Variants in TMC6 observed in about 807,000 individuals in gnomAD.
TMC6 encodes transmembrane channel like 6.
In TMC6, 71 loss-of-function variants were observed where a neutral mutation model predicts 95.4. That is an observed-to-expected ratio of 0.74 (90% CI 0.61 to 0.91). The LOEUF is 0.91. TMC6 is among the 40% of genes least tolerant of loss of function. The probability of loss-of-function intolerance (pLI) is 0.00; values close to 1 mark genes in which losing one functional copy is unlikely to be tolerated. For missense variants in TMC6, 1,074 were observed against 1,079.1 expected (o/e 1.00, Z 0.07); for synonymous variants, 514 against 483.1 (o/e 1.06, Z -0.84).
In TMC6 at chr17:78,122,972, C is replaced by G; in HGVS notation, c.1083-223G>C. On this transcript the variant is annotated intron_variant, in intron 9 of 19. Transcript: ENST00000590602. The surrounding 1 kb of genome is among the most constrained non-coding windows in gnomAD (Gnocchi z 4.9). ...AGCCACATCTGCCTAGAAGAGGGGGCAGGGCTGCATTCACCGCGGACTTGG... is the reference window on the plus strand; with the variant it reads ...AGCCACATCTGCCTAGAAGAGGGGGGAGGGCTGCATTCACCGCGGACTTGG... The G allele has an allele frequency of 1.5e-6, 1 of 648,330 alleles. No homozygotes were observed. Among genetic ancestry groups the G allele is most frequent in the South Asian group, 1.8e-5 (1 of 54,186 alleles). 40.2% of individuals were successfully genotyped at this position (648,330 alleles called of 1,614,324 possible). A position where few individuals can be genotyped will look rare whatever the true frequency, so the allele number is the denominator to read the frequency against.
In TMC6 at chr17:78,120,085, G is replaced by A. The variant is rs1308721436; in HGVS notation, c.1715+568C>T. The A allele has an allele frequency of 3.7e-5, 13 of 350,538 alleles. 1 individual carries two copies. The highest frequency in any genetic ancestry group is 8.9e-5 in the East Asian group (1 of 11,190). 21.7% of individuals were successfully genotyped at this position (350,538 alleles called of 1,614,324 possible). ...TGGAACATTTTTTAAATGTTCCTCC[G>A]CTGTCTGTTCCCTGCTGTGTGTTTT... On this transcript the variant is annotated intron_variant, in intron 13 of 19. Coordinates refer to ENST00000590602, the MANE Select transcript of TMC6 (RefSeq NM_001127198.5).
chr17:78,124,304 G>T, intron 8 of TMC6, 125 bp from the exon 9 acceptor site: 1 of 1,390,294 alleles, frequency 7.2e-7, no homozygotes. Flanking sequence ...ACAGGGAGGG[G>T]CCTTGGCCAC....
chr17:78,113,062 T>C lies in TMC6; in HGVS notation c.*86A>G, dbSNP rs2144832195. The C allele has an allele frequency of 2.7e-6, 4 of 1,478,828 alleles. No homozygotes were observed. Among genetic ancestry groups the C allele is most frequent in the Middle Eastern group, 3.5e-4 (2 of 5,706 alleles). The allele number at this position is 1,478,828 out of a possible 1,614,324, so 91.6% of individuals were successfully genotyped here. A position where few individuals can be genotyped will look rare whatever the true frequency, so the allele number is the denominator to read the frequency against. On this transcript the variant is annotated 3_prime_UTR_variant, in exon 20 of 20. Coordinates refer to ENST00000590602, the MANE Select transcript of TMC6 (RefSeq NM_001127198.5). ...TTTCGAGAGGCGAAACTGTCTTCCTTGTCCTGGTGTCCCAGCAGGGTCACT... is the reference window on the plus strand; with the variant it reads ...TTTCGAGAGGCGAAACTGTCTTCCTCGTCCTGGTGTCCCAGCAGGGTCACT...
rs1263065346 is a variant in TMC6 at position 78,113,534 on chromosome 17, C to A, written c.2354+14G>T. The A allele has an allele frequency of 6.2e-7, 1 of 1,613,856 alleles. No individual in the cohort carries two copies. The highest frequency in any genetic ancestry group is 1.3e-5 in the African/African-American group (1 of 75,022). On this transcript the variant is annotated intron_variant, in intron 19 of 19. Coordinates refer to ENST00000590602, the MANE Select transcript of TMC6 (RefSeq NM_001127198.5). ...CAGGCTCAGAGTGTCCCCAATCCCTCCACGGACCCTCACCTGCTCCTCTCC... is the reference window on the plus strand; with the variant it reads ...CAGGCTCAGAGTGTCCCCAATCCCTACACGGACCCTCACCTGCTCCTCTCC...
rs2074837327 is a variant in TMC6 at position 78,128,247 on chromosome 17, C to G, written c.-75+365G>C. On this transcript the variant is annotated intron_variant, in intron 1 of 19. Transcript: ENST00000590602. The surrounding 1 kb of genome is among the most constrained non-coding windows in gnomAD (Gnocchi z 4.0). The stretch of plus-strand genomic sequence containing the variant: ...CCCAGGGAGAACCGCAACCTGGCCC[C>G]AGAGCCCAGAGCGGCTGCAACTCTG... Among the ~76,000 whole-genome samples the G allele has an allele frequency of 6.6e-6, 1 of 152,130 alleles. No homozygotes were observed. Among genetic ancestry groups the G allele is most frequent in the South Asian group, 2.1e-4 (1 of 4,834 alleles).
At chr17:78,120,440 A>G (rs767637057) in intron 13 of TMC6, 9 of 730,022 alleles carry the variant, frequency 1.2e-5, no homozygotes, top group Admixed American at 4.1e-5. Flanking sequence ...GATTACAGGC[A>G]TGAGCCACCA....
upstream of TMC6, among the ~76,000 whole-genome samples, chr17:78,129,645 G>A (rs1429854578): frequency 2.0e-5 from 3 of 152,144 alleles, no homozygotes; most frequent in South Asian, 2.1e-4. This position sits in a 1 kb window ranked among gnomAD's most constrained non-coding sequence, Gnocchi z 4.3. Context: ...AAGCAAAAGC[G>A]AGGACCAGGC....
chr17:78,129,627 G>A (rs1568008220), upstream of TMC6, among the ~76,000 whole-genome samples: 4 of 152,134 alleles, frequency 2.6e-5, no homozygotes, highest in African/African-American at 9.7e-5. The surrounding 1 kb of genome is among the most constrained non-coding windows in gnomAD (Gnocchi z 4.3). Context: ...CTGCAGGGGA[G>A]AGCAGGCAAG....
chr17:78,112,806 C>T lies in TMC6; in HGVS notation c.*342G>A. 2 of 400,114 alleles carry T rather than the reference C, an allele frequency of 5.0e-6. No homozygotes were observed. Among genetic ancestry groups the T allele is most frequent in the Admixed American group, 4.3e-5 (1 of 23,236 alleles). 24.8% of individuals were successfully genotyped at this position (400,114 alleles called of 1,614,324 possible). On this transcript the variant is annotated 3_prime_UTR_variant, in exon 20 of 20. Transcript: ENST00000590602. The stretch of plus-strand genomic sequence containing the variant: ...TCTGGGGCTTGGCCAGCAGAGGGCG[C>T]CCCCACTCCAGCTGAGGTTCCCAGG...
chr17:78,126,084 C>T (rs1392318829), intron 4 of TMC6, 193 bp downstream of exon 4: 6 of 1,111,400 alleles, frequency 5.4e-6, no homozygotes, highest in Non-Finnish European at 7.6e-6. Flanking sequence ...TGGAGCCCAG[C>T]GAGGGCCACA....
intron 7 of TMC6, 32 bp from the exon 8 acceptor site, chr17:78,124,813 G>A: frequency 6.3e-7 from 1 of 1,576,716 alleles, no homozygotes; most frequent in Middle Eastern, 1.8e-4. Context: ...CCCTGAGGGT[G>A]AGGCCGGAGG....
rs1281470739 is a variant in TMC6, at chr17:78,117,452, C to G, written c.2198+16G>C. 1 of 1,610,386 alleles carries G rather than the reference C, an allele frequency of 6.2e-7. No individual in the cohort carries two copies. The highest frequency in any genetic ancestry group is 1.7e-5 in the Admixed American group (1 of 59,764). ...AGGGCCATCTCCCCAGGGCCGCCCC[C>G]ACCTGCGGGACTCACAGCAGCAGGG... is the stretch of plus-strand genomic sequence containing the variant. On this transcript the variant is annotated intron_variant, in intron 17 of 19. Coordinates refer to ENST00000590602, the MANE Select transcript of TMC6 (RefSeq NM_001127198.5).
At chr17:78,125,577 G>A in intron 5 of TMC6, 149 bp downstream of exon 5, 2 of 1,265,238 alleles carry the variant, frequency 1.6e-6, no homozygotes, top group Non-Finnish European at 2.2e-6. Context: ...CCTGCAGAGG[G>A]ACGGGGGGGC....
chr17:78,122,429 CAG>C lies in TMC6; in HGVS notation c.1227+174_1227+175del. ...GATGGGTGTGTGCCAGAGAAAAACT[CAG>C]GGCCTGCCCGTCACTGCAAGCAGAA... On this transcript the variant is annotated intron_variant, in intron 10 of 19. Coordinates refer to ENST00000590602, the MANE Select transcript of TMC6 (RefSeq NM_001127198.5). The surrounding 1 kb of genome is among the most constrained non-coding windows in gnomAD (Gnocchi z 4.9). 1.1e-6 allele frequency: 1 copy of C among 934,746 alleles called. No homozygotes were observed. The highest frequency in any genetic ancestry group is 1.6e-6 in the Non-Finnish European group (1 of 637,040). The allele number at this position is 934,746 out of a possible 1,614,324, so 57.9% of individuals were successfully genotyped here.
At position 78,122,412 on chromosome 17, in the gene TMC6, T is replaced by A; in HGVS notation, c.1227+193A>T. On this transcript the variant is annotated intron_variant, in intron 10 of 19. Transcript: ENST00000590602. This position sits in a 1 kb window ranked among gnomAD's most constrained non-coding sequence, Gnocchi z 4.9. Reference sequence around the variant, plus strand: ...AGAGGCAGCCCCTAACTGATGGGTGTGTGCCAGAGAAAAACTCAGGGCCTG... The same window carrying A: ...AGAGGCAGCCCCTAACTGATGGGTGAGTGCCAGAGAAAAACTCAGGGCCTG... The A allele has an allele frequency of 1.3e-6, 1 of 794,894 alleles. No homozygotes were observed. The highest frequency in any genetic ancestry group is 2.0e-6 in the Non-Finnish European group (1 of 512,628). The allele number at this position is 794,894 out of a possible 1,614,324, so 49.2% of individuals were successfully genotyped here.
upstream of TMC6, chr17:78,131,379 C>T: frequency 1.5e-6 from 1 of 662,222 alleles, no homozygotes; most frequent in Non-Finnish European, 2.6e-6. Context: ...TTTCTGAGCC[C>T]CGGAGGTGGC....
At chr17:78,117,194 G>T in intron 18 of TMC6, 75 bp downstream of exon 18, 1 of 1,499,850 alleles carries the variant, frequency 6.7e-7, no homozygotes, top group Non-Finnish European at 9.3e-7. Context: ...AGATGTACAG[G>T]GGAGTGGAGG....
In TMC6 at chr17:78,121,818, T is replaced by C; in HGVS notation, c.1228-107A>G. On this transcript the variant is annotated intron_variant, in intron 10 of 19. Transcript: ENST00000590602. This position sits in a 1 kb window ranked among gnomAD's most constrained non-coding sequence, Gnocchi z 5.6. Reference sequence around the variant, plus strand: ...CACACATGAGACACACCAGGAGGCTTGAACCAGGACAGAGGGCCAGTTCCC... The same window carrying C: ...CACACATGAGACACACCAGGAGGCTCGAACCAGGACAGAGGGCCAGTTCCC... 1 of 1,418,402 alleles carries C rather than the reference T, an allele frequency of 7.1e-7. No homozygotes were observed. Among genetic ancestry groups the C allele is most frequent in the Non-Finnish European group, 9.4e-7 (1 of 1,064,412 alleles). 87.9% of individuals were successfully genotyped at this position (1,418,402 alleles called of 1,614,324 possible). A position where few individuals can be genotyped will look rare whatever the true frequency, so the allele number is the denominator to read the frequency against.
At chr17:78,123,859 G>A (rs543411919) in intron 9 of TMC6, 130 bp downstream of exon 9, 132 of 1,223,240 alleles carry the variant, frequency 1.1e-4, no homozygotes, top group Non-Finnish European at 1.4e-4. Context: ...TTGGATAGGT[G>A]AGTGGATGAG....
Sources: gnomAD v4.1 joint callset for allele counts (sites outside exome capture counted in the v4.1 genomes callset) on GRCh38, gnomAD v4.1.1 for gene constraint, Gnocchi (gnomAD v3.1) non-coding constraint, MANE v1.5 for transcripts, NCBI Gene and HGNC (gene_info 2026-07-23, HGNC 2026-07-21) for gene names.